Variants in COL11A1 observed in about 807,000 individuals in gnomAD.
COL11A1 encodes collagen alpha-1(XI) chain.
Under a neutral mutation model 265.2 loss-of-function variants are expected in COL11A1, and 74 were observed. That is an observed-to-expected ratio of 0.28 (90% CI 0.23 to 0.34). The LOEUF (loss-of-function observed/expected upper bound fraction) is 0.34. COL11A1 is among the 10% of genes least tolerant of loss of function. The pLI, the probability that COL11A1 is intolerant of heterozygous loss-of-function variation, is 1.00. For synonymous variants in COL11A1, 816 were observed against 727.6 expected, an observed-to-expected ratio of 1.12 and a Z score of -1.96; for missense variants, 2,165 against 2,263.6, an observed-to-expected ratio of 0.96 and a Z score of 0.88.
intron 4 of COL11A1, among the ~76,000 whole-genome samples, chr1:103,045,337 A>G (rs2102077717): frequency 6.6e-6 from 1 of 152,318 alleles, no homozygotes; most frequent in Non-Finnish European, 1.5e-5. Flanking sequence ...CTTGAAAGAA[A>G]TAGACTTGCT....
At chr1:102,998,470 T>A in intron 24 of COL11A1, 107 bp from the exon 25 acceptor site, 1 of 665,120 alleles carries the variant, frequency 1.5e-6, no homozygotes, top group Non-Finnish European at 2.5e-6. Context: ...TGGCTTCAAT[T>A]CATAAGTAAT....
At chr1:102,911,961 C>T (rs1160974482) in intron 54 of COL11A1, among the ~76,000 whole-genome samples, 198 bp downstream of exon 54, 1 of 152,154 alleles carries the variant, frequency 6.6e-6, no homozygotes, top group Non-Finnish European at 1.5e-5. Flanking sequence ...TTGTTTTTCT[C>T]ATTTTTATTG....
intron 14 of COL11A1, 52 bp from the exon 15 acceptor site, chr1:103,008,568 C>A: frequency 1.4e-6 from 2 of 1,423,186 alleles, no homozygotes; most frequent in African/African-American, 2.8e-5. Flanking sequence ...TTCCTAACTA[C>A]TTTTATCCTG....
intron 50 of COL11A1, 84 bp from the exon 51 acceptor site, chr1:102,914,895 G>A: frequency 9.4e-7 from 1 of 1,059,332 alleles, no homozygotes; most frequent in Non-Finnish European, 1.4e-6. Flanking sequence ...ATTAACCTTG[G>A]CACACTGGGC....
At chr1:102,966,523 T>C (rs908118953) in intron 37 of COL11A1, among the ~76,000 whole-genome samples, 1 of 152,230 alleles carries the variant, frequency 6.6e-6, no homozygotes, top group Non-Finnish European at 1.5e-5. Flanking sequence ...AATAGAGTTC[T>C]ATTTTAAAAA....
intron 1 of COL11A1, among the ~76,000 whole-genome samples, chr1:103,101,905 T>C (rs1329193360): frequency 6.6e-6 from 1 of 152,074 alleles, no homozygotes; most frequent in Non-Finnish European, 1.5e-5. Flanking sequence ...CCTAAATTAA[T>C]AGCACTGTCT....
intron 45 of COL11A1, among the ~76,000 whole-genome samples, chr1:102,934,828 A>G (rs920599808): frequency 6.6e-6 from 1 of 152,218 alleles, no homozygotes; most frequent in Non-Finnish European, 1.5e-5. Context: ...CTGAATTATT[A>G]TCTATTAAGG....
At chr1:102,905,649 A>G (rs1653892025) in intron 54 of COL11A1, among the ~76,000 whole-genome samples, 1 of 152,064 alleles carries the variant, frequency 6.6e-6, no homozygotes, top group Admixed American at 6.6e-5. Context: ...CATTTTATTA[A>G]AATATACATG....
chr1:102,890,137 T>TA (rs1442215604), intron 58 of COL11A1, among the ~76,000 whole-genome samples: 1 of 152,180 alleles, frequency 6.6e-6, no homozygotes, highest in Non-Finnish European at 1.5e-5. Context: ...TTTAAAAACA[T>TA]AAAAATAGAT....
chr1:102,952,252 C>A (rs1659963216), intron 41 of COL11A1, among the ~76,000 whole-genome samples: 1 of 152,040 alleles, frequency 6.6e-6, no homozygotes, highest in Non-Finnish European at 1.5e-5. Flanking sequence ...GCACCCGCCA[C>A]CACGTCCAGG....
intron 13 of COL11A1, among the ~76,000 whole-genome samples, chr1:103,013,118 A>C (rs181676205): frequency 6.6e-6 from 1 of 152,278 alleles, no homozygotes; most frequent in Middle Eastern, 3.4e-3. Flanking sequence ...TAGATGTTAA[A>C]TTAGTATTGT....
rs1392705479 is a variant in COL11A1 at position 103,002,785 on chromosome 1, C to T, written c.2005G>A (p.Ala669Thr). The T allele has an allele frequency of 6.2e-7, 1 of 1,612,986 alleles. No individual in the cohort carries two copies. The highest frequency in any genetic ancestry group is 8.5e-7 in the Non-Finnish European group (1 of 1,179,220). The part of the protein sequence containing the change: ...TPGAPGQPGM[A>T]GVDGPPGPKG... ...GGTCCTGGGGGGCCATCTACACCTG[C>T]CATACCCTGCAATGAAGAAAAAGTA... The change falls in exon 22 of 67, where the codon GCA becomes ACA. Residue 669 changes from alanine to threonine, a missense_variant. Transcript: ENST00000370096.
At chr1:102,949,654 G>T (rs1163781182) in intron 41 of COL11A1, among the ~76,000 whole-genome samples, 1 of 152,124 alleles carries the variant, frequency 6.6e-6, no homozygotes, top group East Asian at 1.9e-4. Context: ...TGTATGACTT[G>T]TATATTTTTA....
At chr1:102,916,614 C>T (rs1430340228) in intron 49 of COL11A1, among the ~76,000 whole-genome samples, 5 of 152,002 alleles carry the variant, frequency 3.3e-5, no homozygotes, top group Non-Finnish European at 5.9e-5. Context: ...TGTCATATTA[C>T]ATACAAACAT....
rs375099183 is a variant in COL11A1 at position 102,899,030 on chromosome 1, C to T, written c.4087-36G>A. ...AAGATTTATTGTAAAATATGTATCA[C>T]ATATAAAAGTAATGTTAATGAGCAC... is the stretch of plus-strand genomic sequence containing the variant. On this transcript the variant is annotated intron_variant, in intron 54 of 66. Coordinates refer to ENST00000370096, the MANE Select transcript of COL11A1 (RefSeq NM_001854.4). The T allele has an allele frequency of 2.2e-5, 28 of 1,250,850 alleles. No individual in the cohort carries two copies. In the East Asian group the frequency reaches 3.5e-4, roughly 16 times the overall value. 77.5% of individuals were successfully genotyped at this position (1,250,850 alleles called of 1,614,324 possible). A position where few individuals can be genotyped will look rare whatever the true frequency, so the allele number is the denominator to read the frequency against.
chr1:102,924,351 T>C (rs1352937132), intron 46 of COL11A1, among the ~76,000 whole-genome samples: 2 of 152,256 alleles, frequency 1.3e-5, no homozygotes, highest in African/African-American at 4.8e-5. Flanking sequence ...CATCTGTCTA[T>C]GTCTTCACCG....
In COL11A1 at chr1:102,946,939, A is replaced by G. The variant is rs1659354451; in HGVS notation, c.3186T>C (p.Arg1062=). 1 of 1,612,672 alleles carries G rather than the reference A, an allele frequency of 6.2e-7. No homozygotes were observed. The highest frequency in any genetic ancestry group is 8.5e-7 in the Non-Finnish European group (1 of 1,179,390). ...TTGGGCCAGCTGTACCTGCTGACCC[A>G]CGTTCTCCTGGTGAGCCCTAGTATA... The part of the protein sequence containing the change: ...PPGPVGSPGE[R]GSAGTAGPIG... Residue 1062 remains arginine, a synonymous_variant, in exon 42 of 67, where the codon CGT becomes CGC. Coordinates refer to ENST00000370096, the MANE Select transcript of COL11A1 (RefSeq NM_001854.4).
At chr1:102,995,748 C>G in intron 28 of COL11A1, 116 bp downstream of exon 28, 1 of 831,546 alleles carries the variant, frequency 1.2e-6, no homozygotes. Flanking sequence ...ATTATACTAG[C>G]ATTGCGTAGT....
At chr1:102,880,954 T>C (rs1323424935) in intron 65 of COL11A1, among the ~76,000 whole-genome samples, 2 of 152,020 alleles carry the variant, frequency 1.3e-5, no homozygotes, top group East Asian at 3.9e-4. Flanking sequence ...AAGACTGTAA[T>C]AGAGAATTAT....
Sources: allele counts gnomAD v4.1 joint callset (sites outside exome capture counted in the v4.1 genomes callset), GRCh38; gene constraint gnomAD v4.1.1; transcripts MANE v1.5; gene names NCBI Gene and HGNC (gene_info 2026-07-23, HGNC 2026-07-21).